The following CHN2 variants were observed in gnomAD, a reference collection of about 807,000 sequenced individuals.
The protein encoded by CHN2 is chimerin 2, also known as beta-chimaerin.
In CHN2, 35 loss-of-function variants were observed where a neutral mutation model predicts 56.3. The observed-to-expected ratio is 0.62, with a 90% CI of 0.47 to 0.82. CHN2 has a LOEUF of 0.82. Among genes scored for constraint, CHN2 ranks in the 40% least tolerant of loss-of-function variants. The pLI is 0.00. For missense variants in CHN2, 491 were observed against 580.5 expected, an observed-to-expected ratio of 0.85 and a Z score of 1.58; for synonymous variants, 210 against 212.8, an observed-to-expected ratio of 0.99 and a Z score of 0.12.
Position 29,414,180 on chromosome 7 carries a change from G to T in CHN2, c.576+13352G>T, listed in dbSNP as rs545955184. Among the ~76,000 whole-genome samples the T allele has an allele frequency of 1.1e-4, 17 of 152,266 alleles. No individual in the cohort carries two copies. In the East Asian group the frequency reaches 1.7e-3, roughly 16 times the overall value. ...TTCCAGTCATGATGGAGTCAGTTCAGATGAGAGGAAACTGAAATTGATGTT... is the reference window on the plus strand; with the variant it reads ...TTCCAGTCATGATGGAGTCAGTTCATATGAGAGGAAACTGAAATTGATGTT... On this transcript the variant is annotated intron_variant, in intron 6 of 12. Transcript: ENST00000222792.
chr7:29,313,724 C>G (rs1452231754), intron 1 of CHN2, among the ~76,000 whole-genome samples: 3 of 152,192 alleles, frequency 2.0e-5, no homozygotes, highest in Non-Finnish European at 4.4e-5. Context: ...TACCTTGATT[C>G]TTGTTTTCTC....
intron 1 of CHN2, among the ~76,000 whole-genome samples, chr7:29,231,867 T>A (rs111942780): frequency 6.6e-6 from 1 of 152,234 alleles, no homozygotes; most frequent in Non-Finnish European, 1.5e-5. Context: ...ATGGTTCCTA[T>A]CTGAACAGAT....
chr7:29,397,041 C>T (rs539481046), intron 4 of CHN2: 13 of 152,402 alleles, frequency 8.5e-5, no homozygotes, highest in African/African-American at 2.9e-4. Context: ...GAGCATTGCT[C>T]CAAGACCTCC....
In CHN2 at chr7:29,512,882, G is replaced by T; in HGVS notation, c.*147G>T. On this transcript the variant is annotated 3_prime_UTR_variant, in exon 13 of 13. Coordinates refer to ENST00000222792, the MANE Select transcript of CHN2 (RefSeq NM_004067.4). ...AGAGGATCGCTGAGTGGGGTACTGT[G>T]TCTCATAGACATGCGCCACCTCCAC... is the stretch of plus-strand genomic sequence containing the variant. The T allele has an allele frequency of 1.2e-6, 1 of 825,650 alleles. No individual in the cohort carries two copies. The highest frequency in any genetic ancestry group is 1.8e-6 in the Non-Finnish European group (1 of 541,190). 51.1% of individuals were successfully genotyped at this position (825,650 alleles called of 1,614,324 possible). A position where few individuals can be genotyped will look rare whatever the true frequency, so the allele number is the denominator to read the frequency against.
At chr7:29,152,165 A>G in intron 2 of CHN2, among the ~76,000 whole-genome samples, 1 of 152,202 alleles carries the variant, frequency 6.6e-6, no homozygotes, top group East Asian at 1.9e-4. Context: ...ACATCACCAA[A>G]TAAAGGAATA....
intron 2 of CHN2, among the ~76,000 whole-genome samples, chr7:29,365,970 G>A (rs1364576693): frequency 6.6e-6 from 1 of 152,164 alleles, no homozygotes; most frequent in Non-Finnish European, 1.5e-5. Context: ...AAACGTGACA[G>A]GTCTGTCGAT....
intron 2 of CHN2, among the ~76,000 whole-genome samples, chr7:29,362,515 TTG>T (rs569312840): frequency 6.6e-4 from 101 of 152,314 alleles, no homozygotes; most frequent in African/African-American, 2.4e-3. Context: ...GACTGTCCCT[TTG>T]TTACAGACAG....
intron 2 of CHN2, among the ~76,000 whole-genome samples, chr7:29,164,181 T>G (rs923755611): frequency 6.6e-6 from 1 of 152,236 alleles, no homozygotes; most frequent in Admixed American, 6.5e-5. Context: ...GTCTTTTTGA[T>G]TATTGCCATC....
At chr7:29,350,782 G>C (rs998481111) in intron 1 of CHN2, among the ~76,000 whole-genome samples, 5 of 152,154 alleles carry the variant, frequency 3.3e-5, no homozygotes, top group African/African-American at 1.2e-4. Context: ...ACCGGACGTT[G>C]TCCCAAGAAT....
chr7:29,212,111 A>G lies in CHN2; in HGVS notation c.49+17121A>G, dbSNP rs147878196. Among the ~76,000 whole-genome samples, 9 of 152,322 alleles carry G rather than the reference A, an allele frequency of 5.9e-5. No individual in the cohort carries two copies. The South Asian group carries it at 1.9e-3, about 32-fold the overall frequency. On this transcript the variant is annotated intron_variant, in intron 1 of 12. Coordinates refer to ENST00000222792, the MANE Select transcript of CHN2 (RefSeq NM_004067.4). ...AAGATAGGGACTCTTTTTTAAAAAAAGAATGCTGGGCTGGACTGAGCTAGT... is the reference window on the plus strand; with the variant it reads ...AAGATAGGGACTCTTTTTTAAAAAAGGAATGCTGGGCTGGACTGAGCTAGT...
chr7:29,167,374 A>G (rs546097599), intron 2 of CHN2, among the ~76,000 whole-genome samples: 1 of 152,316 alleles, frequency 6.6e-6, no homozygotes, highest in East Asian at 1.9e-4. Context: ...CATTAAATGA[A>G]TATTCAAAAA....
chr7:29,487,992 A>G (rs1788229213), intron 7 of CHN2, among the ~76,000 whole-genome samples: 2 of 152,350 alleles, frequency 1.3e-5, no homozygotes, highest in South Asian at 4.1e-4. Flanking sequence ...GCATGAGGAC[A>G]TCTTACTTTA....
At chr7:29,246,182 AC>A (rs1227990398) in intron 1 of CHN2, among the ~76,000 whole-genome samples, 1 of 152,110 alleles carries the variant, frequency 6.6e-6, no homozygotes. Context: ...CTGTGGCAAC[AC>A]CCATGATGAC....
intron 1 of CHN2, among the ~76,000 whole-genome samples, chr7:29,268,655 T>C (rs1472814667): frequency 2.0e-5 from 3 of 152,184 alleles, no homozygotes; most frequent in African/African-American, 7.2e-5. Context: ...TAATGATCTG[T>C]GCTAAATGGA....
At chr7:29,196,755 A>G (rs1313369667) in intron 1 of CHN2, among the ~76,000 whole-genome samples, 3 of 152,248 alleles carry the variant, frequency 2.0e-5, no homozygotes, top group Non-Finnish European at 4.4e-5. Context: ...ATCCTAAGTC[A>G]GCCTTCGGAA....
chr7:29,289,350 C>G (rs1372684513), intron 1 of CHN2, among the ~76,000 whole-genome samples: 1 of 152,058 alleles, frequency 6.6e-6, no homozygotes. Flanking sequence ...GGAGGTGGCA[C>G]TCTCTAATTC....
In CHN2 at chr7:29,480,363, A is replaced by G. The variant is rs1275308613; in HGVS notation, c.654+7A>G. 6.2e-7 allele frequency: 1 copy of G among 1,613,544 alleles called. No homozygotes were observed. The highest frequency in any genetic ancestry group is 1.7e-5 in the Admixed American group (1 of 60,030). ...GAAGACACACAACTTTAAGGTAAGC[A>G]AGCCTCTGCATTCCTTCTTCTGTTA... On this transcript the variant is annotated splice_region_variant and intron_variant, in intron 7 of 12. Transcript: ENST00000222792.
intron 1 of CHN2, among the ~76,000 whole-genome samples, chr7:29,251,218 C>T (rs1039171369): frequency 5.3e-5 from 8 of 152,140 alleles, no homozygotes; most frequent in African/African-American, 1.9e-4. Context: ...TTTGAGGGGC[C>T]AAGGCTGGCG....
intron 2 of CHN2, among the ~76,000 whole-genome samples, chr7:29,180,515 G>A (rs7783103): frequency 0.12 from 17,727 of 150,384 alleles, 1,202 homozygotes; most frequent in East Asian, 0.23. Flanking sequence ...GCGACAGAGC[G>A]ACAGAGCAAC....
Sources: gnomAD v4.1 joint callset for allele counts (sites outside exome capture counted in the v4.1 genomes callset) on GRCh38, gnomAD v4.1.1 for gene constraint, MANE v1.5 for transcripts, NCBI Gene and HGNC (gene_info 2026-07-23, HGNC 2026-07-21) for gene names.